The following XPO7 variants were observed in gnomAD, a reference collection of about 807,000 sequenced individuals.
XPO7 encodes exportin 7.
A neutral mutation model predicts 144.3 loss-of-function variants in XPO7; 21 were observed. That is an observed-to-expected ratio of 0.15 (90% CI 0.10 to 0.21). XPO7 has a LOEUF of 0.21. Among genes scored for constraint, XPO7 ranks in the 10% least tolerant of loss-of-function variants. XPO7 has a pLI of 1.00. For synonymous variants in XPO7, 580 were observed against 499.6 expected, an observed-to-expected ratio of 1.16 and a Z score of -2.15; for missense variants, 808 against 1,325.8, an observed-to-expected ratio of 0.61 and a Z score of 6.06.
At position 21,998,741 on chromosome 8, in the gene XPO7, T is replaced by G; in HGVS notation, c.2346-14T>G. Reference sequence around the variant, plus strand: ...ACACCTCTGACTTTTTCTCCTCCTGTGCTCTCTGCTCAGGTCCCAGCGACT... The same window carrying G: ...ACACCTCTGACTTTTTCTCCTCCTGGGCTCTCTGCTCAGGTCCCAGCGACT... On this transcript the variant is annotated splice_polypyrimidine_tract_variant and intron_variant, in intron 21 of 27. Coordinates refer to ENST00000252512, the MANE Select transcript of XPO7 (RefSeq NM_015024.5). 6.2e-7 allele frequency: 1 copy of G among 1,613,180 alleles called. No homozygotes were observed. The highest frequency in any genetic ancestry group is 8.5e-7 in the Non-Finnish European group (1 of 1,179,214).
intron 1 of XPO7, among the ~76,000 whole-genome samples, chr8:21,946,517 G>A (rs1811192202): frequency 6.7e-6 from 1 of 149,796 alleles, no homozygotes; most frequent in Non-Finnish European, 1.5e-5. Flanking sequence ...GAGACATGGA[G>A]GGTAAGATAC....
chr8:21,990,368 G>A lies in XPO7; in HGVS notation c.1893G>A (p.Val631=). 6.2e-7 allele frequency: 1 copy of A among 1,613,806 alleles called. No homozygotes were observed. The highest frequency in any genetic ancestry group is 8.5e-7 in the Non-Finnish European group (1 of 1,179,762). The part of the protein sequence containing the change: ...SIGYSSVRKL[V]KLSAVQFMLN... ...CGTACAGTAGCGTAAGGAAGCTAGTGAAGCTTAGTGCGGTACAGTTCATGC... is the reference window on the plus strand; with the variant it reads ...CGTACAGTAGCGTAAGGAAGCTAGTAAAGCTTAGTGCGGTACAGTTCATGC... The change falls in exon 17 of 28, where the codon GTG becomes GTA. Residue 631 remains valine, a synonymous_variant. Transcript: ENST00000252512.
chr8:21,987,224 T>G lies in XPO7; in HGVS notation c.1661T>G (p.Phe554Cys). 1 of 1,613,962 alleles carries G rather than the reference T, an allele frequency of 6.2e-7. No individual in the cohort carries two copies. Among genetic ancestry groups the G allele is most frequent in the Non-Finnish European group, 8.5e-7 (1 of 1,179,870 alleles). The part of the protein sequence containing the change: ...EKLELAMLSF[F>C]EQFRKIYIGD... ...CTAGAGTTGGCCATGCTGAGCTTTT[T>G]TGAACAGTTTCGTAAGATCTACATT... Residue 554 changes from phenylalanine (F) to cysteine (C), a missense_variant, in exon 14 of 28, where the codon TTT becomes TGT. This residue lies in a region of XPO7 where 416 missense variants were observed against 612.5 expected (regional missense o/e 0.68). Transcript: ENST00000252512.
intron 13 of XPO7, among the ~76,000 whole-genome samples, chr8:21,986,126 T>C (rs1812570636): frequency 1.3e-5 from 2 of 151,860 alleles, no homozygotes; most frequent in South Asian, 4.2e-4. Flanking sequence ...AATTCTCATT[T>C]TATCAAAACT....
chr8:21,923,435 A>G (rs1810357419), intron 1 of XPO7, among the ~76,000 whole-genome samples: 1 of 152,202 alleles, frequency 6.6e-6, no homozygotes, highest in South Asian at 2.1e-4. Flanking sequence ...TATACAAATA[A>G]TATGTGTGTA....
At chr8:21,934,255 TG>T in intron 1 of XPO7, among the ~76,000 whole-genome samples, 1 of 151,980 alleles carries the variant, frequency 6.6e-6, no homozygotes, top group Non-Finnish European at 1.5e-5. Context: ...CCCAGTACTT[TG>T]GGTGCGGTGG....
chr8:21,995,713 T>C, intron 21 of XPO7, 114 bp downstream of exon 21: 3 of 760,356 alleles, frequency 3.9e-6, no homozygotes, highest in Non-Finnish European at 5.9e-6. Flanking sequence ...TACTGCATTT[T>C]AAAATTCGAA....
intron 11 of XPO7, 62 bp from the exon 12 acceptor site, chr8:21,984,584 A>C (rs774302258): frequency 4.3e-5 from 62 of 1,448,810 alleles, no homozygotes; most frequent in Middle Eastern, 3.6e-4. Context: ...GAGAGCTGCT[A>C]TATTGGGCAA....
chr8:21,984,555 T>A, intron 11 of XPO7, 91 bp from the exon 12 acceptor site: 1 of 1,210,988 alleles, frequency 8.3e-7, no homozygotes, highest in Non-Finnish European at 1.1e-6. Flanking sequence ...TCAGAAATGG[T>A]GGCTAAGTGA....
intron 11 of XPO7, among the ~76,000 whole-genome samples, 175 bp from the exon 12 acceptor site, chr8:21,984,471 G>A (rs202172472): frequency 1.3e-3 from 192 of 152,324 alleles, no homozygotes; most frequent in African/African-American, 4.6e-3. Context: ...ATGCTAGGGC[G>A]AAGACATTGG....
At chr8:21,961,982 G>T (rs984222984) in intron 1 of XPO7, among the ~76,000 whole-genome samples, 5 of 152,164 alleles carry the variant, frequency 3.3e-5, no homozygotes, top group African/African-American at 1.2e-4. Context: ...TCATTCTAAT[G>T]GCTATCTCAT....
intron 1 of XPO7, among the ~76,000 whole-genome samples, chr8:21,963,097 C>T (rs1431704895): frequency 6.6e-6 from 1 of 152,102 alleles, no homozygotes; most frequent in Non-Finnish European, 1.5e-5. Flanking sequence ...TTGTGGCATT[C>T]GAATTATGAT....
At chr8:21,965,160 G>T (rs1232052416) in intron 1 of XPO7, among the ~76,000 whole-genome samples, 2 of 150,428 alleles carry the variant, frequency 1.3e-5, no homozygotes, top group Non-Finnish European at 3.0e-5. Context: ...TTTTTTAAGG[G>T]AATCATTTTG....
chr8:21,921,103 C>T (rs894744185), intron 1 of XPO7, among the ~76,000 whole-genome samples: 2 of 152,056 alleles, frequency 1.3e-5, no homozygotes, highest in African/African-American at 4.8e-5. Context: ...AGTACCTTGG[C>T]TTAATTCAGA....
At chr8:21,936,970 A>G (rs1223883164) in intron 1 of XPO7, among the ~76,000 whole-genome samples, 2 of 152,208 alleles carry the variant, frequency 1.3e-5, no homozygotes, top group Non-Finnish European at 2.9e-5. Flanking sequence ...TTGGTGTTAC[A>G]TACTGGCCTT....
chr8:21,999,791 G>C (rs963428527), intron 24 of XPO7, 117 bp downstream of exon 24: 8 of 1,346,824 alleles, frequency 5.9e-6, no homozygotes, highest in African/African-American at 5.8e-5. Flanking sequence ...TGGGGGTTTG[G>C]CCATAACAAT....
intron 11 of XPO7, among the ~76,000 whole-genome samples, chr8:21,983,913 A>AT (rs1276070739): frequency 6.6e-6 from 1 of 152,174 alleles, no homozygotes; most frequent in Non-Finnish European, 1.5e-5. Context: ...AGAGCTCCTC[A>AT]TTGGACAAGA....
In XPO7 at chr8:21,991,855, G is replaced by A. The variant is rs770140189; in HGVS notation, c.2042-13G>A. 3 of 1,603,160 alleles carry A rather than the reference G, an allele frequency of 1.9e-6. No individual in the cohort carries two copies. In the Admixed American group the frequency reaches 5.2e-5, roughly 28 times the overall value. The stretch of plus-strand genomic sequence containing the variant: ...TGGTATTGGGGTTACACCCTGGGAT[G>A]TTTCCTTTACAGGAGAGGATGAAGA... On this transcript the variant is annotated splice_polypyrimidine_tract_variant and intron_variant, in intron 18 of 27. Transcript: ENST00000252512.
intron 1 of XPO7, among the ~76,000 whole-genome samples, chr8:21,926,499 T>C (rs1810462443): frequency 6.6e-6 from 1 of 152,188 alleles, no homozygotes; most frequent in Non-Finnish European, 1.5e-5. Flanking sequence ...TTTAAAATTG[T>C]TTGCAAAGTT....
Sources: allele counts gnomAD v4.1 joint callset (sites outside exome capture counted in the v4.1 genomes callset), GRCh38; gene constraint gnomAD v4.1.1; regional missense constraint gnomAD v4.1.1; transcripts MANE v1.5; gene names NCBI Gene and HGNC (gene_info 2026-07-23, HGNC 2026-07-21).